The following CD72 variants were observed in gnomAD, a reference collection of about 807,000 sequenced individuals.
The protein encoded by CD72 is CD72 molecule.
A neutral mutation model predicts 50.7 loss-of-function variants in CD72; 28 were observed. The ratio of observed to expected loss-of-function variants is 0.55; its 90% CI spans 0.41 to 0.76. CD72 has a LOEUF of 0.76. CD72 is among the 30% of genes least tolerant of loss of function. The pLI is 0.00. For missense variants in CD72, 403 were observed against 420.6 expected (o/e 0.96, Z 0.37); for synonymous variants, 176 against 171.2 (o/e 1.03, Z -0.22).
At chr9:35,617,003 T>C in intron 3 of CD72, 173 bp downstream of exon 3, 4 of 1,449,936 alleles carry the variant, frequency 2.8e-6, no homozygotes, top group Non-Finnish European at 3.6e-6. Flanking sequence ...GCGGTGCACG[T>C]CGGATTCAGG....
upstream of CD72, chr9:35,618,948 C>T (rs1823112866): frequency 5.8e-6 from 2 of 345,492 alleles, no homozygotes; most frequent in Non-Finnish European, 1.1e-5. Flanking sequence ...CCCATGCACC[C>T]TCATGGGGAG....
chr9:35,640,297 C>T (rs10972539), intron 1 of CD72, among the ~76,000 whole-genome samples: 18,950 of 152,258 alleles, frequency 0.12, 1,592 homozygotes, highest in East Asian at 0.4. Context: ...TTCCCATGAC[C>T]CTGTTAGTGT....
rs181063058 is a variant in CD72, at chr9:35,630,163, C to T, written n.409-12042G>A. ...AAGCTATTCTCCTGCCTCAGCCTCC[C>T]GAGTAGCTGGAATTACAGGCATGTG... On this transcript the variant is annotated intron_variant and non_coding_transcript_variant, in intron 1 of 3. Transcript: ENST00000465754. Among the ~76,000 whole-genome samples the T allele has an allele frequency of 1.1e-4, 16 of 151,924 alleles. No homozygotes were observed. In the East Asian group the frequency reaches 2.7e-3, roughly 26 times the overall value.
At chr9:35,629,430 T>C (rs1823223383) in intron 1 of CD72, among the ~76,000 whole-genome samples, 1 of 152,162 alleles carries the variant, frequency 6.6e-6, no homozygotes, top group Non-Finnish European at 1.5e-5. Context: ...ACCACTAGCA[T>C]AAGCATATGT....
chr9:35,640,622 C>T (rs1187959740), intron 1 of CD72, among the ~76,000 whole-genome samples: 1 of 152,218 alleles, frequency 6.6e-6, no homozygotes, highest in Non-Finnish European at 1.5e-5. Flanking sequence ...AGCAGACACC[C>T]TGCCGGATCT....
chr9:35,621,957 C>T (rs79596911), upstream of CD72, among the ~76,000 whole-genome samples: 5,902 of 152,278 alleles, frequency 0.039, 118 homozygotes, highest in Non-Finnish European at 0.046. Flanking sequence ...AACTGTAAGA[C>T]AATAAATTTG....
At chr9:35,634,852 A>G (rs555248478) in intron 1 of CD72, among the ~76,000 whole-genome samples, 9 of 152,264 alleles carry the variant, frequency 5.9e-5, no homozygotes, top group African/African-American at 1.7e-4. Context: ...GTCCTTATTT[A>G]GCATATATGT....
At chr9:35,616,900 C>T in intron 3 of CD72, 1 of 1,231,554 alleles carries the variant, frequency 8.1e-7, no homozygotes, top group Non-Finnish European at 1.1e-6. Flanking sequence ...CTGGTGGGGA[C>T]TCGGGGGCGT....
chr9:35,616,958 G>T (rs757620141), intron 3 of CD72: 840 of 1,420,470 alleles, frequency 5.9e-4, no homozygotes, highest in Non-Finnish European at 7.5e-4. Flanking sequence ...AGGGGAAGGG[G>T]GGCAGGTAGG....
chr9:35,635,128 T>C (rs1317516419), intron 1 of CD72, among the ~76,000 whole-genome samples: 1 of 152,238 alleles, frequency 6.6e-6, no homozygotes, highest in African/African-American at 2.4e-5. Flanking sequence ...AAAAATAACT[T>C]GCTTTCTGCC....
chr9:35,624,214 AAAT>A (rs58480562), upstream of CD72, among the ~76,000 whole-genome samples: 53,294 of 137,486 alleles, frequency 0.39, 10,690 homozygotes, highest in East Asian at 0.55. Context: ...TCTGTCTCAA[AAAT>A]AATAATAATA....
chr9:35,633,543 A>T (rs968935846), intron 1 of CD72, among the ~76,000 whole-genome samples: 3 of 152,076 alleles, frequency 2.0e-5, no homozygotes, highest in Non-Finnish European at 4.4e-5. Flanking sequence ...ATTGTAATTT[A>T]TATACAACAA....
intron 1 of CD72, among the ~76,000 whole-genome samples, chr9:35,633,986 T>C (rs1823268701): frequency 6.6e-6 from 1 of 152,238 alleles, no homozygotes; most frequent in African/African-American, 2.4e-5. Flanking sequence ...TGTGTTTCTC[T>C]TAAGTAATGT....
chr9:35,611,969 T>C, intron 6 of CD72, 50 bp from the exon 7 acceptor site: 2 of 1,026,982 alleles, frequency 1.9e-6, no homozygotes, highest in Non-Finnish European at 3.1e-6. Flanking sequence ...TGATGAGAAA[T>C]ATGGAAGAAA....
chr9:35,632,024 C>G (rs1251964544), intron 1 of CD72, among the ~76,000 whole-genome samples: 3 of 152,160 alleles, frequency 2.0e-5, no homozygotes. Flanking sequence ...CTTCCTATTG[C>G]AGTCTTTTCT....
At chr9:35,638,348 G>A (rs956954236) in intron 1 of CD72, among the ~76,000 whole-genome samples, 3 of 151,504 alleles carry the variant, frequency 2.0e-5, no homozygotes, top group Non-Finnish European at 4.4e-5. Flanking sequence ...CTCCCCACCA[G>A]GCTGAATCAG....
chr9:35,626,087 T>C (rs369311542), intron 1 of CD72, among the ~76,000 whole-genome samples: 368 of 151,552 alleles, frequency 2.4e-3, no homozygotes, highest in African/African-American at 4.7e-3. Flanking sequence ...GGGATTCCTC[T>C]CATGGATCTG....
chr9:35,642,874 T>TA (rs1177669872), intron 1 of CD72: 1 of 152,174 alleles, frequency 6.6e-6, no homozygotes, highest in Non-Finnish European at 1.5e-5. Flanking sequence ...CTGCTCCTGA[T>TA]ATTAGGAAAA....
intron 1 of CD72, among the ~76,000 whole-genome samples, chr9:35,642,230 C>T (rs1361171528): frequency 6.6e-6 from 1 of 152,230 alleles, no homozygotes; most frequent in East Asian, 1.9e-4. Flanking sequence ...CAGTTATGTT[C>T]TATCTTTTCT....
Sources: allele counts gnomAD v4.1 joint callset (sites outside exome capture counted in the v4.1 genomes callset), GRCh38; gene constraint gnomAD v4.1.1; transcripts MANE v1.5; gene names NCBI Gene and HGNC (gene_info 2026-07-23, HGNC 2026-07-21).